The following ERI2 variants were observed in gnomAD, a reference collection of about 807,000 sequenced individuals.
ERI2 encodes the protein ERI1 exoribonuclease 2.
Under a neutral mutation model 46.8 loss-of-function variants are expected in ERI2, and 35 were observed. That is an observed-to-expected ratio of 0.75 (90% confidence interval 0.57 to 0.99). ERI2 has a LOEUF of 0.99. ERI2 is among the 50% of genes least tolerant of loss of function. ERI2 has a pLI of 0.00. For synonymous variants in ERI2, 224 were observed against 271.0 expected (o/e 0.83, Z 1.70); for missense variants, 695 against 796.2 (o/e 0.87, Z 1.53).
Position 20,796,419 on chromosome 16 carries a change from A to G in ERI2, c.*1305T>C, listed in dbSNP as rs772904585. 6.2e-7 allele frequency: 1 copy of G among 1,613,936 alleles called. No homozygotes were observed. The highest frequency in any genetic ancestry group is 1.1e-5 in the South Asian group (1 of 91,060). On this transcript the variant is annotated 3_prime_UTR_variant, in exon 9 of 9. Coordinates refer to ENST00000357967, the MANE Select transcript of ERI2 (RefSeq NM_001142725.2). Reference sequence around the variant, plus strand: ...AATCCTGATTACAAGTCACATGATCAAGAACAACTAATAAAGGAGATTCAG... The same window carrying G: ...AATCCTGATTACAAGTCACATGATCGAGAACAACTAATAAAGGAGATTCAG...
intron 1 of ERI2, 109 bp downstream of exon 1, chr16:20,806,299 G>C (rs1482012868): frequency 6.8e-7 from 1 of 1,480,432 alleles, no homozygotes; most frequent in African/African-American, 1.4e-5. Context: ...CGGGGCTGCG[G>C]GGAATAGAGG....
chr16:20,800,638 GAA>G (rs1243163449), intron 5 of ERI2: 13 of 334,438 alleles, frequency 3.9e-5, no homozygotes, highest in Non-Finnish European at 5.4e-5. Context: ...ATTTCAGAAA[GAA>G]GAGTAACATG....
rs893166868 is a variant in ERI2 at position 20,790,167 on chromosome 16, T to G, written c.816-610A>C. Among the ~76,000 whole-genome samples, 3 of 152,170 alleles carry G rather than the reference T, an allele frequency of 2.0e-5. No homozygotes were observed. The highest frequency in any genetic ancestry group is 7.2e-5 in the African/African-American group (3 of 41,440). On this transcript the variant is annotated intron_variant, in intron 9 of 10. Coordinates refer to the ERI2 transcript ENST00000300005. This position sits in a 1 kb window ranked among gnomAD's most constrained non-coding sequence, Gnocchi z 4.0. The stretch of plus-strand genomic sequence containing the variant: ...AATTTAAAGTATATTTAAAATATTT[T>G]TGGGCCAGGTGCAGTGGCTCATGCC...
chr16:20,784,300 T>G (rs1334568056), intron 10 of ERI2, among the ~76,000 whole-genome samples: 1 of 152,216 alleles, frequency 6.6e-6, no homozygotes, highest in African/African-American at 2.4e-5. Flanking sequence ...CTGTTTCTAG[T>G]GTTCAATATC....
chr16:20,780,520 G>A, exon 11 of ERI2: 1 of 1,140,200 alleles, frequency 8.8e-7, no homozygotes, highest in East Asian at 2.5e-5. Context: ...TGATGACAAA[G>A]TTTAGTTTTG....
chr16:20,791,718 G>C (rs1343096051), downstream of ERI2, among the ~76,000 whole-genome samples: 1 of 152,126 alleles, frequency 6.6e-6, no homozygotes, highest in Non-Finnish European at 1.5e-5. Context: ...CTTGAGGTAA[G>C]GAGCTCGACA....
chr16:20,791,974 T>C (rs1278129275), downstream of ERI2: 1 of 1,610,066 alleles, frequency 6.2e-7, no homozygotes, highest in Non-Finnish European at 8.5e-7. Flanking sequence ...GGATTCACCA[T>C]AACAACAAAA....
Position 20,798,969 on chromosome 16 carries a change from G to T in ERI2, c.831C>A (p.Ser277Arg). 1 of 1,548,114 alleles carries T rather than the reference G, an allele frequency of 6.5e-7. No homozygotes were observed. Among genetic ancestry groups the T allele is most frequent in the Non-Finnish European group, 8.7e-7 (1 of 1,146,164 alleles). Residue 277 changes from serine (S) to arginine (R), a missense_variant, in exon 9 of 9, where the codon AGC (serine) becomes AGA (arginine). Physicochemically the swap from Ser to Arg is moderately radical, Grantham distance 110. Transcript: ENST00000357967. ...TATTTTTAGGCTCCTTATTATATAT[G>T]CTGGGACCCTGGATGCTAATGTTAC... ...SACNISIQGP[S>R]IYNKEPKNII... is the part of the protein sequence containing the mutation.
chr16:20,794,922 A>G (rs1397952744), downstream of ERI2, among the ~76,000 whole-genome samples: 1 of 152,206 alleles, frequency 6.6e-6, no homozygotes, highest in Non-Finnish European at 1.5e-5. Flanking sequence ...AAAAAGATAA[A>G]AGAGACTATC....
exon 11 of ERI2, chr16:20,780,554 TAGAG>T (rs2080329456): frequency 2.7e-6 from 4 of 1,478,246 alleles, no homozygotes; most frequent in Non-Finnish European, 3.7e-6. Flanking sequence ...CCTAAAAGGA[TAGAG>T]AAAGTGATGG....
At chr16:20,791,852 TG>T, downstream of ERI2, 2 of 791,100 alleles carry the variant, frequency 2.5e-6, no homozygotes, top group Non-Finnish European at 3.9e-6. Flanking sequence ...CGCTTGAACC[TG>T]GGAGGCAGAG....
At chr16:20,781,696 T>C in intron 10 of ERI2, 2 of 1,605,618 alleles carry the variant, frequency 1.2e-6, no homozygotes, top group Non-Finnish European at 1.7e-6. Flanking sequence ...GTTTGCTTTT[T>C]CTAAATTGCA....
exon 11 of ERI2, chr16:20,780,402 T>G: frequency 2.0e-6 from 1 of 511,598 alleles, no homozygotes. Flanking sequence ...TCACACAGAC[T>G]CCTTACTCTG....
At chr16:20,792,424 A>G, downstream of ERI2, 1 of 1,572,570 alleles carries the variant, frequency 6.4e-7, no homozygotes, top group Non-Finnish European at 8.7e-7. Context: ...AGAATTAACC[A>G]AATGATTCAT....
chr16:20,794,013 A>AG (rs1268815849), downstream of ERI2, among the ~76,000 whole-genome samples: 1 of 152,100 alleles, frequency 6.6e-6, no homozygotes, highest in Non-Finnish European at 1.5e-5. Flanking sequence ...AGTCAGAGTG[A>AG]GGGGGAAAGT....
At chr16:20,785,226 G>GT in intron 10 of ERI2, 1 of 1,386,922 alleles carries the variant, frequency 7.2e-7, no homozygotes, top group Non-Finnish European at 9.8e-7. Flanking sequence ...GTTAGAAAAT[G>GT]TTTAAAAAAA....
At chr16:20,788,162 A>T (rs562182298) in intron 10 of ERI2, among the ~76,000 whole-genome samples, 1 of 152,110 alleles carries the variant, frequency 6.6e-6, no homozygotes, top group African/African-American at 2.4e-5. Flanking sequence ...AAAAAATGGT[A>T]GGAGAGCCCA....
Position 20,796,387 on chromosome 16 carries a change from C to A in ERI2, c.*1337G>T. On this transcript the variant is annotated 3_prime_UTR_variant, in exon 9 of 9. Coordinates refer to ENST00000357967, the MANE Select transcript of ERI2 (RefSeq NM_001142725.2). ...TATTTTAGGTAGTAAAGGCTTTTGT[C>A]GTTCTAAATCCTGATTACAAGTCAC... 1.2e-6 allele frequency: 2 copies of A among 1,610,602 alleles called. No homozygotes were observed. The highest frequency in any genetic ancestry group is 2.2e-5 in the South Asian group (2 of 90,342).
chr16:20,794,850 A>C (rs147498324), downstream of ERI2, among the ~76,000 whole-genome samples: 205 of 152,352 alleles, frequency 1.3e-3, 1 homozygote, highest in African/African-American at 4.7e-3. Context: ...CTGACTTCAG[A>C]GTTCATACTC....
Sources: allele counts gnomAD v4.1 joint callset (sites outside exome capture counted in the v4.1 genomes callset), GRCh38; gene constraint gnomAD v4.1.1; non-coding constraint Gnocchi (gnomAD v3.1); transcripts MANE v1.5; gene names NCBI Gene and HGNC (gene_info 2026-07-23, HGNC 2026-07-21).